The following C17orf99 variants were observed in gnomAD, a reference collection of about 807,000 sequenced individuals.
C17orf99 encodes protein IL-40.
C17orf99 carries 18 observed loss-of-function variants against 22.6 expected under a neutral mutation model. That is an observed-to-expected ratio of 0.80 (90% CI 0.55 to 1.18). The LOEUF (loss-of-function observed/expected upper bound fraction) is 1.18. C17orf99 is among the 50% of genes most tolerant of loss of function. The pLI is 0.00. For synonymous variants in C17orf99, 147 were observed against 136.6 expected (o/e 1.08, Z -0.53); for missense variants, 328 against 342.7 (o/e 0.96, Z 0.34).
intron 2 of C17orf99, among the ~76,000 whole-genome samples, chr17:78,160,563 G>A (rs1214393566): frequency 6.7e-6 from 1 of 149,896 alleles, no homozygotes; most frequent in Non-Finnish European, 1.5e-5. Context: ...GAGAGAGAGA[G>A]AACATGCTAA....
intron 3 of C17orf99, among the ~76,000 whole-genome samples, chr17:78,163,675 G>A (rs567770733): frequency 6.6e-6 from 1 of 152,268 alleles, no homozygotes; most frequent in African/African-American, 2.4e-5. Context: ...AGACCAGCCT[G>A]GCCAACATGG....
Position 78,164,351 on chromosome 17 carries a change from A to G in C17orf99, c.627A>G (p.Thr209=). 6.4e-7 allele frequency: 1 copy of G among 1,551,442 alleles called. No individual in the cohort carries two copies. The highest frequency in any genetic ancestry group is 8.7e-7 in the Non-Finnish European group (1 of 1,146,976). ...NNANVQHSAL[T]VVPPGGDQKM... ...CCAATGTCCAGCACAGCGCCCTCAC[A>G]GTGGTGCCCCCAGGTGAGAGGGCCC... The change falls in exon 4 of 5, where the codon ACA becomes ACG. Residue 209 remains threonine (T), a synonymous_variant. Coordinates refer to ENST00000340363, the MANE Select transcript of C17orf99 (RefSeq NM_001163075.2).
chr17:78,161,771 G>C (rs1476299763), intron 3 of C17orf99, among the ~76,000 whole-genome samples: 2 of 151,482 alleles, frequency 1.3e-5, no homozygotes, highest in Non-Finnish European at 2.9e-5. Flanking sequence ...TTGAACCCGG[G>C]AGGCAGAGGT....
Position 78,164,244 on chromosome 17 carries a change from C to T in C17orf99, c.520C>T (p.Pro174Ser), listed in dbSNP as rs1226964549. The T allele has an allele frequency of 6.4e-6, 10 of 1,551,448 alleles. No homozygotes were observed. Among genetic ancestry groups the T allele is most frequent in the Middle Eastern group, 1.7e-4 (1 of 6,014 alleles). ...KDGQVHLQQR[P>S]CHRQPANFSF... ...TGGGCAGGTCCACCTGCAGCAGAGA[C>T]CATGCCACAGGCAGCCTGCCAACTT... Residue 174 changes from proline to serine, a missense_variant, in exon 4 of 5, where the codon CCA becomes TCA. Coordinates refer to ENST00000340363, the MANE Select transcript of C17orf99 (RefSeq NM_001163075.2).
At chr17:78,159,388 C>T (rs1297180422) in intron 2 of C17orf99, among the ~76,000 whole-genome samples, 2 of 152,062 alleles carry the variant, frequency 1.3e-5, no homozygotes, top group Non-Finnish European at 2.9e-5. Flanking sequence ...TCTGTAATCC[C>T]AGCACTTTGG....
At chr17:78,157,557 G>T in intron 2 of C17orf99, 1 of 768,942 alleles carries the variant, frequency 1.3e-6, no homozygotes, top group South Asian at 1.5e-5. Flanking sequence ...CCATCACTTT[G>T]GAAGACCGAG....
chr17:78,164,748 G>A (rs1567823832), intron 4 of C17orf99: 2 of 1,306,184 alleles, frequency 1.5e-6, no homozygotes, highest in Non-Finnish European at 2.0e-6. Flanking sequence ...CAGAGCTCAG[G>A]TGGTGGGGCT....
chr17:78,160,234 G>T (rs1319818761), intron 2 of C17orf99: 1 of 421,662 alleles, frequency 2.4e-6, no homozygotes. Flanking sequence ...ACATGTGCAG[G>T]TTTGTTATAG....
intron 2 of C17orf99, chr17:78,157,799 A>G (rs1014846869): frequency 0.14 from 11,987 of 84,676 alleles, 232 homozygotes; most frequent in South Asian, 0.23. Flanking sequence ...TCTGTCTCGG[A>G]AAAAAAAAAA....
intron 2 of C17orf99, among the ~76,000 whole-genome samples, chr17:78,148,676 C>A (rs2145768161): frequency 6.6e-6 from 1 of 152,160 alleles, no homozygotes; most frequent in South Asian, 2.1e-4. Flanking sequence ...AAGGAGCCGA[C>A]CGAGCAGGAA....
chr17:78,150,845 C>G (rs988046445), intron 2 of C17orf99, among the ~76,000 whole-genome samples: 1 of 152,126 alleles, frequency 6.6e-6, no homozygotes, highest in African/African-American at 2.4e-5. Flanking sequence ...CAGAGGAGGC[C>G]GGACACAGTG....
intron 4 of C17orf99, 178 bp downstream of exon 4, chr17:78,164,542 C>A: frequency 1.3e-6 from 2 of 1,534,626 alleles, no homozygotes; most frequent in Non-Finnish European, 8.7e-7. Flanking sequence ...GAAGCCCAAC[C>A]CAGCTGCCTC....
At chr17:78,155,095 C>A (rs535203535) in intron 2 of C17orf99, among the ~76,000 whole-genome samples, 1 of 150,266 alleles carries the variant, frequency 6.7e-6, no homozygotes, top group African/African-American at 2.5e-5. Context: ...TCCTTGGCCT[C>A]TACCCACTAA....
chr17:78,164,227 T>C lies in C17orf99; in HGVS notation c.503T>C (p.Val168Ala). ...TNSLIGKDGQ[V>A]HLQQRPCHRQ... The stretch of plus-strand genomic sequence containing the variant: ...AGCCTGATCGGGAAGGATGGGCAGG[T>C]CCACCTGCAGCAGAGACCATGCCAC... The change falls in exon 4 of 5, where the codon GTC becomes GCC. Residue 168 changes from valine (V) to alanine (A), a missense_variant. Physicochemically the swap from Val to Ala is moderately conservative, Grantham distance 64 (BLOSUM62 0). Transcript: ENST00000340363. The C allele has an allele frequency of 1.3e-6, 2 of 1,551,522 alleles. No individual in the cohort carries two copies. Among genetic ancestry groups the C allele is most frequent in the South Asian group, 1.2e-5 (1 of 84,064 alleles).
chr17:78,159,017 G>T (rs747084860), intron 2 of C17orf99: 86 of 163,008 alleles, frequency 5.3e-4, no homozygotes, highest in Non-Finnish European at 5.0e-4. Flanking sequence ...GAGGGGACCT[G>T]CCCCCTCCTC....
chr17:78,156,974 C>T (rs557859665), intron 2 of C17orf99, among the ~76,000 whole-genome samples: 28 of 151,832 alleles, frequency 1.8e-4, no homozygotes, highest in African/African-American at 6.8e-4. Context: ...AGGAGGTAGC[C>T]CTTTTTCTAA....
rs532082080 is a variant in C17orf99 at position 78,157,891 on chromosome 17, C to G, written c.71-3064C>G. The G allele has an allele frequency of 4.3e-5, 50 of 1,159,756 alleles. No homozygotes were observed. In the Middle Eastern group the frequency reaches 1.9e-3, roughly 44 times the overall value. 71.8% of individuals were successfully genotyped at this position (1,159,756 alleles called of 1,614,324 possible). ...TCGAGATGTCTACTTCGATGACTGG[C>G]AAGCACGGCCATGCCAAGGTCCACC... On this transcript the variant is annotated intron_variant, in intron 2 of 4. Transcript: ENST00000340363.
In C17orf99 at chr17:78,165,964, C is replaced by T; in HGVS notation, c.716C>T (p.Thr239Ile). 2 of 1,503,376 alleles carry T rather than the reference C, an allele frequency of 1.3e-6. No individual in the cohort carries two copies. Among genetic ancestry groups the T allele is most frequent in the Non-Finnish European group, 1.8e-6 (2 of 1,116,958 alleles). The allele number at this position is 1,503,376 out of a possible 1,614,324, so 93.1% of individuals were successfully genotyped here. A position where few individuals can be genotyped will look rare whatever the true frequency, so the allele number is the denominator to read the frequency against. The part of the protein sequence containing the change: ...PILALPLYRS[T>I]RRLSEEEFGG... ...CTTGCCTTGCCGCTCTACAGGAGCACCCGCCGTCTGAGTGAAGAGGAGTTT... is the reference window on the plus strand; with the variant it reads ...CTTGCCTTGCCGCTCTACAGGAGCATCCGCCGTCTGAGTGAAGAGGAGTTT... The change falls in exon 5 of 5, where the codon ACC becomes ATC. Residue 239 changes from threonine (T) to isoleucine (I), a missense_variant. Thr to Ile is a moderately conservative substitution (Grantham distance 89). Transcript: ENST00000340363.
At chr17:78,149,871 A>T (rs750363813) in intron 2 of C17orf99, among the ~76,000 whole-genome samples, 1 of 151,682 alleles carries the variant, frequency 6.6e-6, no homozygotes, top group African/African-American at 2.4e-5. Flanking sequence ...CACCACGCCC[A>T]GCTAATTTTT....
Sources: allele counts gnomAD v4.1 joint callset (sites outside exome capture counted in the v4.1 genomes callset), GRCh38; gene constraint gnomAD v4.1.1; transcripts MANE v1.5; gene names NCBI Gene and HGNC (gene_info 2026-07-23, HGNC 2026-07-21).